Variants in FOXD2 observed in about 807,000 individuals in gnomAD.
FOXD2 encodes the protein forkhead box protein D2.
FOXD2 carries 4 observed loss-of-function variants against 6.4 expected under a neutral mutation model. The observed-to-expected ratio is 0.62, with a 90% CI of 0.31 to 1.42. The LOEUF (loss-of-function observed/expected upper bound fraction) is 1.42, where lower values mean the gene tolerates loss of function less well. Ranked by LOEUF, FOXD2 falls within the 40% of genes most tolerant of loss-of-function variation. The pLI is 0.08. For missense variants in FOXD2, 709 were observed against 766.8 expected (o/e 0.92, Z 0.89); for synonymous variants, 393 against 373.6 (o/e 1.05, Z -0.60).
chr1:47,439,803 T>C lies in FOXD2; in HGVS notation c.*180T>C. On this transcript the variant is annotated 3_prime_UTR_variant, in exon 1 of 1. Transcript: ENST00000334793. ...CGCAGATAGTTGGGACTAAGCGGGC[T>C]CTATCGCTCAGGGCGACAGGCCCGG... 3.3e-6 allele frequency: 2 copies of C among 598,568 alleles called. No individual in the cohort carries two copies. The highest frequency in any genetic ancestry group is 5.8e-6 in the Non-Finnish European group (2 of 347,112). The allele number at this position is 598,568 out of a possible 1,614,324, so 37.1% of individuals were successfully genotyped here. A position where few individuals can be genotyped will look rare whatever the true frequency, so the allele number is the denominator to read the frequency against.
rs2820966 is a variant in FOXD2, at chr1:47,440,666, G to A, written c.*1043G>A. ...CTGCCGCCTATTTCCCATTGGTGTC[G>A]ATTGAATAAATGTATGTGAACTTCA... is the stretch of plus-strand genomic sequence containing the variant. On this transcript the variant is annotated 3_prime_UTR_variant, in exon 1 of 1. Coordinates refer to ENST00000334793, the MANE Select transcript of FOXD2 (RefSeq NM_004474.4). The A allele has an allele frequency of 0.99, 165,057 of 167,244 alleles. 81,498 individuals carry two copies. Among genetic ancestry groups the A allele is most frequent in the East Asian group, 1 (5,190 of 5,190 alleles). 10.4% of individuals were successfully genotyped at this position (167,244 alleles called of 1,614,324 possible). A position where few individuals can be genotyped will look rare whatever the true frequency, so the allele number is the denominator to read the frequency against.
rs1386418493 is a variant in FOXD2 at position 47,438,612 on chromosome 1, C to T, written c.477C>T (p.Gly159=). The T allele has an allele frequency of 3.1e-6, 5 of 1,613,874 alleles. No individual in the cohort carries two copies. Among genetic ancestry groups the T allele is most frequent in the Non-Finnish European group, 2.5e-6 (3 of 1,179,978 alleles). Residue 159 remains glycine, a synonymous_variant, in exon 1 of 1, where the codon GGC becomes GGT. Transcript: ENST00000334793. ...TLSEICEFIS[G]RFPYYREKFP... The stretch of plus-strand genomic sequence containing the variant: ...GCGAGATCTGCGAGTTCATCAGCGG[C>T]CGCTTCCCCTACTACCGGGAGAAGT...
In FOXD2 at chr1:47,438,897, C is replaced by A. The variant is rs1415408232; in HGVS notation, c.762C>A (p.Gly254=). 3.9e-6 allele frequency: 6 copies of A among 1,554,110 alleles called. No homozygotes were observed. In the Admixed American group the frequency reaches 5.8e-5, roughly 15 times the overall value. ...GGGCCGCGGCGGCGGGGGATCCCGG[C>A]GCTTTCCTGCCCGGCTTCGCTGCCT... ...RGGAAAAGDP[G]AFLPGFAAYG... is the part of the protein sequence containing the mutation. The change falls in exon 1 of 1, where the codon GGC becomes GGA. Residue 254 remains glycine, a synonymous_variant. Transcript: ENST00000334793.
Position 47,439,710 on chromosome 1 carries a change from T to C in FOXD2, c.*87T>C, listed in dbSNP as rs1018583725. 105 of 1,285,964 alleles carry C rather than the reference T, an allele frequency of 8.2e-5. No homozygotes were observed. The Admixed American group carries it at 1.6e-3, about 19-fold the overall frequency. The allele number at this position is 1,285,964 out of a possible 1,614,324, so 79.7% of individuals were successfully genotyped here. Reference sequence around the variant, plus strand: ...GTCCCAGCGGAACTCAGGGAGTCTATTTATGAAGTCTCCAGACCTTGGGCC... The same window carrying C: ...GTCCCAGCGGAACTCAGGGAGTCTACTTATGAAGTCTCCAGACCTTGGGCC... On this transcript the variant is annotated 3_prime_UTR_variant, in exon 1 of 1. Transcript: ENST00000334793.
Position 47,438,970 on chromosome 1 carries a change from G to A in FOXD2, c.835G>A (p.Ala279Thr). ...GYGLALPAYG[A>T]PPPGPAPHPH... ...CGGGCTGGCTCTCCCGGCCTACGGCGCACCCCCGCCGGGGCCGGCCCCGCA... is the reference window on the plus strand; with the variant it reads ...CGGGCTGGCTCTCCCGGCCTACGGCACACCCCCGCCGGGGCCGGCCCCGCA... Residue 279 changes from alanine to threonine, a missense_variant, in exon 1 of 1, where the codon GCA becomes ACA. Around this residue, in one of 5 missense-constraint regions of FOXD2, gnomAD observed 98 missense variants for 91.0 expected, o/e 1.08. Coordinates refer to ENST00000334793, the MANE Select transcript of FOXD2 (RefSeq NM_004474.4). 4.1e-6 allele frequency: 6 copies of A among 1,468,984 alleles called. No homozygotes were observed. The highest frequency in any genetic ancestry group is 5.4e-6 in the Non-Finnish European group (6 of 1,115,076). 91.0% of individuals were successfully genotyped at this position (1,468,984 alleles called of 1,614,324 possible). A position where few individuals can be genotyped will look rare whatever the true frequency, so the allele number is the denominator to read the frequency against.
chr1:47,439,028 C>T lies in FOXD2; in HGVS notation c.893C>T (p.Ala298Val). 1.4e-6 allele frequency: 2 copies of T among 1,440,486 alleles called. No individual in the cohort carries two copies. Among genetic ancestry groups the T allele is most frequent in the African/African-American group, 1.5e-5 (1 of 67,212 alleles). The allele number at this position is 1,440,486 out of a possible 1,614,324, so 89.2% of individuals were successfully genotyped here. A position where few individuals can be genotyped will look rare whatever the true frequency, so the allele number is the denominator to read the frequency against. The stretch of plus-strand genomic sequence containing the variant: ...CCGCACCCGCACGCCTTCGCTTTCG[C>T]CGCGGCAGCCGCCGCCGCTCCTTGC... ...PHPHPHAFAF[A>V]AAAAAAPCQL... The change falls in exon 1 of 1, where the codon GCC becomes GTC. Residue 298 changes from alanine (A) to valine (V), a missense_variant. By Grantham distance (64) the Ala-to-Val change is moderately conservative. Around this residue, in one of 5 missense-constraint regions of FOXD2, gnomAD observed 322 missense variants for 313.8 expected, o/e 1.03. Coordinates refer to ENST00000334793, the MANE Select transcript of FOXD2 (RefSeq NM_004474.4).
In FOXD2 at chr1:47,439,627, C is replaced by T; in HGVS notation, c.*4C>T. Reference sequence around the variant, plus strand: ...CCTTAGTGGCTGCCACTTCTGACCGCAGCAGGCCCAGGGCCGGTTAGGTCC... The same window carrying T: ...CCTTAGTGGCTGCCACTTCTGACCGTAGCAGGCCCAGGGCCGGTTAGGTCC... On this transcript the variant is annotated 3_prime_UTR_variant, in exon 1 of 1. Coordinates refer to ENST00000334793, the MANE Select transcript of FOXD2 (RefSeq NM_004474.4). 1 of 1,548,996 alleles carries T rather than the reference C, an allele frequency of 6.5e-7. No homozygotes were observed. Among genetic ancestry groups the T allele is most frequent in the Non-Finnish European group, 8.7e-7 (1 of 1,146,916 alleles).
At position 47,439,002 on chromosome 1, in the gene FOXD2, C is replaced by CCCGCAA. The variant is rs2124083805; in HGVS notation, c.872_873insACCGCA (p.Pro290_His291insGlnPro). On this transcript the variant is annotated inframe_insertion, in exon 1 of 1. Coordinates refer to ENST00000334793, the MANE Select transcript of FOXD2 (RefSeq NM_004474.4). ...CGCCGGGGCCGGCCCCGCATCCGCACCCGCACCCGCACGCCTTCGCTTTCG... is the reference window on the plus strand; with the variant it reads ...CGCCGGGGCCGGCCCCGCATCCGCACCCGCAACCGCACCCGCACGCCTTCGCTTTCG... The CCCGCAA allele has an allele frequency of 7.0e-7, 1 of 1,430,342 alleles. No individual in the cohort carries two copies. The highest frequency in any genetic ancestry group is 2.8e-5 in the Admixed American group (1 of 36,052). 88.6% of individuals were successfully genotyped at this position (1,430,342 alleles called of 1,614,324 possible).
In FOXD2 at chr1:47,438,260, G is replaced by A. The variant is rs1042256690; in HGVS notation, c.125G>A (p.Arg42His). ...AGCGGCGGGGGGGAGCTCCCAGCTC[G>A]CTCCGGGCCCCGCGCCCCCCGGGAC... is the stretch of plus-strand genomic sequence containing the variant. The part of the protein sequence containing the change: ...GGSGGGELPA[R>H]SGPRAPRDVL... The change falls in exon 1 of 1, where the codon CGC becomes CAC. Residue 42 changes from arginine to histidine, a missense_variant. By Grantham distance (29) the Arg-to-His change is conservative. Around this residue, in one of 5 missense-constraint regions of FOXD2, gnomAD observed 220 missense variants for 199.2 expected, o/e 1.10. Coordinates refer to ENST00000334793, the MANE Select transcript of FOXD2 (RefSeq NM_004474.4). 28 of 1,367,648 alleles carry A rather than the reference G, an allele frequency of 2.0e-5. No homozygotes were observed. In the African/African-American group the frequency reaches 3.2e-4, roughly 16 times the overall value. 84.7% of individuals were successfully genotyped at this position (1,367,648 alleles called of 1,614,324 possible).
chr1:47,438,339 C>T lies in FOXD2; in HGVS notation c.204C>T (p.Ala68=), dbSNP rs1375167685. 2.3e-6 allele frequency: 3 copies of T among 1,279,732 alleles called. No individual in the cohort carries two copies. Among genetic ancestry groups the T allele is most frequent in the Non-Finnish European group, 3.0e-6 (3 of 1,012,266 alleles). 79.3% of individuals were successfully genotyped at this position (1,279,732 alleles called of 1,614,324 possible). A position where few individuals can be genotyped will look rare whatever the true frequency, so the allele number is the denominator to read the frequency against. The change falls in exon 1 of 1, where the codon GCC becomes GCT. Residue 68 remains alanine, a synonymous_variant. Coordinates refer to ENST00000334793, the MANE Select transcript of FOXD2 (RefSeq NM_004474.4). ...CGGAGGAAGCCGAGGCAGACTTAGC[C>T]GAGGACGAGGAGGAGTCTGGTGGCT... ...PPAEEAEADL[A]EDEEESGGCS...
Position 47,439,152 on chromosome 1 carries a change from TGCCTCAGGCTCGGGCCCGGGCCCGG to T in FOXD2, c.1021_1045del (p.Ser341ProfsTer23). On this transcript the variant is annotated frameshift_variant, in exon 1 of 1. Transcript: ENST00000334793. LOFTEE classifies it high-confidence loss of function. ...CGGGATCGGCCCCAGCTCCTGCGCC[TGCCTCAGGCTCGGGCCCGGGCCCGG>T]GCCCCGCAGGCCTGCCCGCCTTCCT... 1 of 1,454,652 alleles carries T rather than the reference TGCCTCAGGCTCGGGCCCGGGCCCGG, an allele frequency of 6.9e-7. No homozygotes were observed. Among genetic ancestry groups the T allele is most frequent in the Non-Finnish European group, 9.0e-7 (1 of 1,109,922 alleles). 90.1% of individuals were successfully genotyped at this position (1,454,652 alleles called of 1,614,324 possible).
rs772585833 is a variant in FOXD2, at chr1:47,438,215, T to C, written c.80T>C (p.Ile27Thr). ...GCGCTGTCCGAGGCCGACGCAGACA[T>C]AGACGTGGTGGGCGGCGGCAGCGGC... ...PAALSEADAD[I>T]DVVGGGSGGG... The change falls in exon 1 of 1, where the codon ATA becomes ACA. Residue 27 changes from isoleucine to threonine, a missense_variant. Coordinates refer to ENST00000334793, the MANE Select transcript of FOXD2 (RefSeq NM_004474.4). The C allele has an allele frequency of 4.2e-6, 6 of 1,437,428 alleles. No homozygotes were observed. In the South Asian group the frequency reaches 5.5e-5, roughly 13 times the overall value. 89.0% of individuals were successfully genotyped at this position (1,437,428 alleles called of 1,614,324 possible).
In FOXD2 at chr1:47,438,071, G is replaced by T. The variant is rs946733181; in HGVS notation, c.-65G>T. ...AAAACGCACTCGCCCCAGAGGCAGC[G>T]CGGCCGAGCCCGAGCCGCTGCCGGA... On this transcript the variant is annotated 5_prime_UTR_variant, in exon 1 of 1. Transcript: ENST00000334793. 6.2e-6 allele frequency: 8 copies of T among 1,298,712 alleles called. No homozygotes were observed. The South Asian group carries it at 1.5e-4, about 25-fold the overall frequency. The allele number at this position is 1,298,712 out of a possible 1,614,324, so 80.4% of individuals were successfully genotyped here. A position where few individuals can be genotyped will look rare whatever the true frequency, so the allele number is the denominator to read the frequency against.
rs1372396214 is a variant in FOXD2 at position 47,438,207 on chromosome 1, C to A, written c.72C>A (p.Asp24Glu). 2 of 1,453,112 alleles carry A rather than the reference C, an allele frequency of 1.4e-6. No homozygotes were observed. Among genetic ancestry groups the A allele is most frequent in the Admixed American group, 5.1e-5 (2 of 38,844 alleles). 90.0% of individuals were successfully genotyped at this position (1,453,112 alleles called of 1,614,324 possible). A position where few individuals can be genotyped will look rare whatever the true frequency, so the allele number is the denominator to read the frequency against. The change falls in exon 1 of 1, where the codon GAC (aspartate) becomes GAA (glutamate). Residue 24 changes from aspartate to glutamate, a missense_variant. Physicochemically the swap from Asp to Glu is conservative, Grantham distance 45. Transcript: ENST00000334793. ...ESSPAALSEA[D>E]ADIDVVGGGS... ...CCCCGGCCGCGCTGTCCGAGGCCGA[C>A]GCAGACATAGACGTGGTGGGCGGCG...
At position 47,439,808 on chromosome 1, in the gene FOXD2, C is replaced by A; in HGVS notation, c.*185C>A. 1 of 584,088 alleles carries A rather than the reference C, an allele frequency of 1.7e-6. No homozygotes were observed. The highest frequency in any genetic ancestry group is 3.9e-5 in the Admixed American group (1 of 25,798). The allele number at this position is 584,088 out of a possible 1,614,324, so 36.2% of individuals were successfully genotyped here. ...ATAGTTGGGACTAAGCGGGCTCTAT[C>A]GCTCAGGGCGACAGGCCCGGGGCTA... On this transcript the variant is annotated 3_prime_UTR_variant, in exon 1 of 1. Transcript: ENST00000334793.
chr1:47,438,192 G>T lies in FOXD2; in HGVS notation c.57G>T (p.Ala19=). ...EIMSSESSPA[A]LSEADADIDV... ...TGTCCTCCGAGAGCTCCCCGGCCGC[G>T]CTGTCCGAGGCCGACGCAGACATAG... is the stretch of plus-strand genomic sequence containing the variant. The change falls in exon 1 of 1, where the codon GCG becomes GCT. Residue 19 remains alanine (A), a synonymous_variant. Transcript: ENST00000334793. 1 of 1,462,554 alleles carries T rather than the reference G, an allele frequency of 6.8e-7. No individual in the cohort carries two copies. Among genetic ancestry groups the T allele is most frequent in the Non-Finnish European group, 9.0e-7 (1 of 1,112,642 alleles). 90.6% of individuals were successfully genotyped at this position (1,462,554 alleles called of 1,614,324 possible).
Position 47,438,980 on chromosome 1 carries a change from C to T in FOXD2, c.845C>T (p.Pro282Leu). 2 of 1,425,970 alleles carry T rather than the reference C, an allele frequency of 1.4e-6. No homozygotes were observed. The highest frequency in any genetic ancestry group is 1.8e-6 in the Non-Finnish European group (2 of 1,098,388). 88.3% of individuals were successfully genotyped at this position (1,425,970 alleles called of 1,614,324 possible). ...LALPAYGAPP[P>L]GPAPHPHPHP... Reference sequence around the variant, plus strand: ...CTCCCGGCCTACGGCGCACCCCCGCCGGGGCCGGCCCCGCATCCGCACCCG... The same window carrying T: ...CTCCCGGCCTACGGCGCACCCCCGCTGGGGCCGGCCCCGCATCCGCACCCG... Residue 282 changes from proline (P) to leucine (L), a missense_variant, in exon 1 of 1, where the codon CCG (proline) becomes CTG (leucine). Physicochemically the swap from Pro to Leu is moderately conservative, Grantham distance 98 (BLOSUM62 -3). Transcript: ENST00000334793.
In FOXD2 at chr1:47,438,938, A is replaced by G. The variant is rs1439080828; in HGVS notation, c.803A>G (p.Tyr268Cys). Residue 268 changes from tyrosine (Y) to cysteine (C), a missense_variant, in exon 1 of 1, where the codon TAC (tyrosine) becomes TGC (cysteine). Physicochemically the swap from Tyr to Cys is radical, Grantham distance 194. Transcript: ENST00000334793. The part of the protein sequence containing the change: ...PGFAAYGAYG[Y>C]GYGLALPAYG... ...TTCGCTGCCTACGGCGCCTACGGCT[A>G]CGGCTACGGGCTGGCTCTCCCGGCC... 3 of 1,530,880 alleles carry G rather than the reference A, an allele frequency of 2.0e-6. No individual in the cohort carries two copies. Among genetic ancestry groups the G allele is most frequent in the Non-Finnish European group, 2.6e-6 (3 of 1,140,438 alleles). 94.8% of individuals were successfully genotyped at this position (1,530,880 alleles called of 1,614,324 possible).
At position 47,438,527 on chromosome 1, in the gene FOXD2, C is replaced by T; in HGVS notation, c.392C>T (p.Ser131Leu). ...AGCCCGCTGGTGAAGCCGCCCTACT[C>T]GTACATCGCGCTCATCACCATGGCC... Reference protein sequence around the residue: ...TRSPLVKPPYSYIALITMAIL... With the variant: ...TRSPLVKPPYLYIALITMAIL... The change falls in exon 1 of 1, where the codon TCG becomes TTG. Residue 131 changes from serine (S) to leucine (L), a missense_variant. Coordinates refer to ENST00000334793, the MANE Select transcript of FOXD2 (RefSeq NM_004474.4). The T allele has an allele frequency of 6.2e-7, 1 of 1,611,686 alleles. No homozygotes were observed. Among genetic ancestry groups the T allele is most frequent in the Non-Finnish European group, 8.5e-7 (1 of 1,179,088 alleles).
Sources: allele counts gnomAD v4.1 joint callset, GRCh38; gene constraint gnomAD v4.1.1; regional missense constraint gnomAD v4.1.1; transcripts MANE v1.5; gene names NCBI Gene and HGNC (gene_info 2026-07-23, HGNC 2026-07-21).